KCNAB1: variants seen among roughly 807,000 people sequenced by gnomAD.
The protein encoded by KCNAB1 is potassium voltage-gated channel subfamily A regulatory beta subunit 1, also known as voltage-gated potassium channel subunit beta-1.
In KCNAB1, 35 loss-of-function variants were observed where a neutral mutation model predicts 64.6. The observed-to-expected ratio is 0.54, with a 90% CI of 0.41 to 0.72. The LOEUF is 0.72. Among genes scored for constraint, KCNAB1 ranks in the 30% least tolerant of loss-of-function variants. KCNAB1 has a pLI of 0.00. For synonymous variants in KCNAB1, 177 were observed against 183.8 expected, an observed-to-expected ratio of 0.96 and a Z score of 0.30; for missense variants, 401 against 512.9, an observed-to-expected ratio of 0.78 and a Z score of 2.11.
chr3:156,524,343 A>G (rs1236006301), intron 12 of KCNAB1: 1 of 156,702 alleles, frequency 6.4e-6, no homozygotes, highest in Non-Finnish European at 1.4e-5. Flanking sequence ...CTGCCACATG[A>G]AAAGCTGATC....
chr3:156,355,976 G>A (rs1725204173), intron 1 of KCNAB1, among the ~76,000 whole-genome samples: 2 of 152,020 alleles, frequency 1.3e-5, no homozygotes, highest in South Asian at 4.2e-4. Flanking sequence ...ACAAAAATTA[G>A]CCAGGCATGG....
At chr3:156,149,871 G>A (rs1215463144) in intron 1 of KCNAB1, among the ~76,000 whole-genome samples, 1 of 152,120 alleles carries the variant, frequency 6.6e-6, no homozygotes, top group Non-Finnish European at 1.5e-5. Context: ...TTCATCATGT[G>A]TTCTTGTGAC....
intron 8 of KCNAB1, among the ~76,000 whole-genome samples, chr3:156,491,717 C>T (rs1715643720): frequency 6.6e-6 from 1 of 151,804 alleles, no homozygotes; most frequent in African/African-American, 2.4e-5. Flanking sequence ...AATTTATTTT[C>T]TTATATTGCC....
intron 5 of KCNAB1, among the ~76,000 whole-genome samples, 153 bp downstream of exon 5, chr3:156,460,024 C>T (rs887638805): frequency 1.6e-4 from 25 of 152,088 alleles, no homozygotes; most frequent in Non-Finnish European, 3.1e-4. Flanking sequence ...AAATAAATGC[C>T]GGCAAGTTCA....
At chr3:156,186,062 G>C (rs181883291) in intron 1 of KCNAB1, among the ~76,000 whole-genome samples, 58 of 152,278 alleles carry the variant, frequency 3.8e-4, no homozygotes, top group South Asian at 1.2e-3. Context: ...ACTGAGCATA[G>C]TGCAGAAAAA....
At chr3:156,482,620 C>A (rs893535223) in intron 8 of KCNAB1, among the ~76,000 whole-genome samples, 1 of 152,028 alleles carries the variant, frequency 6.6e-6, no homozygotes, top group Non-Finnish European at 1.5e-5. Flanking sequence ...AAGAGTCAGA[C>A]CTCAATTCAA....
intron 8 of KCNAB1, among the ~76,000 whole-genome samples, chr3:156,487,216 C>T (rs1407197046): frequency 6.6e-6 from 1 of 152,062 alleles, no homozygotes; most frequent in East Asian, 1.9e-4. Flanking sequence ...CCATAAATTA[C>T]AGAATAAAGC....
intron 1 of KCNAB1, among the ~76,000 whole-genome samples, chr3:156,260,756 A>G (rs1718384106): frequency 6.6e-6 from 1 of 152,174 alleles, no homozygotes; most frequent in Admixed American, 6.5e-5. Context: ...ACACATTTTC[A>G]TATCTAGAAG....
At chr3:156,320,397 T>C (rs931616532) in intron 1 of KCNAB1, among the ~76,000 whole-genome samples, 3 of 152,252 alleles carry the variant, frequency 2.0e-5, no homozygotes, top group African/African-American at 7.2e-5. Flanking sequence ...GCAATTGATA[T>C]GAGCTTAAAT....
At chr3:156,156,369 G>A (rs571531149) in intron 1 of KCNAB1, among the ~76,000 whole-genome samples, 146 of 152,286 alleles carry the variant, frequency 9.6e-4, no homozygotes, top group Middle Eastern at 3.4e-3. Flanking sequence ...TCAAGGGTGT[G>A]ACATGATTTG....
intron 1 of KCNAB1, among the ~76,000 whole-genome samples, chr3:156,140,131 A>G (rs1577627981): frequency 6.6e-6 from 1 of 152,222 alleles, no homozygotes; most frequent in Admixed American, 6.5e-5. Context: ...TCAATAAAAG[A>G]TAAAAAGAGT....
Position 156,516,426 on chromosome 3 carries a change from G to A in KCNAB1, c.960+62G>A, listed in dbSNP as rs1576965263. 1.0e-5 allele frequency: 12 copies of A among 1,197,298 alleles called. No individual in the cohort carries two copies. The East Asian group carries it at 2.6e-4, about 26-fold the overall frequency. 74.2% of individuals were successfully genotyped at this position (1,197,298 alleles called of 1,614,324 possible). A position where few individuals can be genotyped will look rare whatever the true frequency, so the allele number is the denominator to read the frequency against. On this transcript the variant is annotated intron_variant, in intron 11 of 13. Coordinates refer to ENST00000490337, the MANE Select transcript of KCNAB1 (RefSeq NM_172160.3). Reference sequence around the variant, plus strand: ...AGGAAGGAGGGAAGAAGGTTGGTAAGAACAGCTCTGCAGCAGCCTAGGGCT... The same window carrying A: ...AGGAAGGAGGGAAGAAGGTTGGTAAAAACAGCTCTGCAGCAGCCTAGGGCT...
intron 1 of KCNAB1, among the ~76,000 whole-genome samples, chr3:156,416,885 A>G (rs1292478369): frequency 2.6e-5 from 4 of 152,270 alleles, no homozygotes; most frequent in African/African-American, 9.6e-5. Context: ...TTGACAAATG[A>G]CTTAAACTTT....
intron 1 of KCNAB1, among the ~76,000 whole-genome samples, chr3:156,250,991 A>G (rs1717799775): frequency 6.6e-6 from 1 of 152,142 alleles, no homozygotes; most frequent in African/African-American, 2.4e-5. Context: ...TTTATTTCGT[A>G]CCATTCTTTG....
At chr3:156,189,928 C>T (rs1423250724) in intron 1 of KCNAB1, among the ~76,000 whole-genome samples, 1 of 152,114 alleles carries the variant, frequency 6.6e-6, no homozygotes, top group African/African-American at 2.4e-5. Flanking sequence ...GATACCCATG[C>T]TGAATTGAAG....
intron 1 of KCNAB1, among the ~76,000 whole-genome samples, chr3:156,152,946 T>C (rs1046831667): frequency 2.0e-5 from 3 of 152,218 alleles, no homozygotes; most frequent in Admixed American, 6.5e-5. Flanking sequence ...ACCTCTATTT[T>C]TCCTTTTGGC....
At chr3:156,434,992 G>A (rs960647017) in intron 2 of KCNAB1, among the ~76,000 whole-genome samples, 2 of 152,196 alleles carry the variant, frequency 1.3e-5, no homozygotes, top group African/African-American at 4.8e-5. Context: ...AGATTGGAAA[G>A]GGAAGGTGAT....
At position 156,218,822 on chromosome 3, in the gene KCNAB1, A is replaced by AAAAT. The variant is rs548874734; in HGVS notation, c.275+97954_275+97957dup. 3.5e-3 allele frequency among the ~76,000 whole-genome samples: 501 copies of AAAAT among 144,080 alleles called. 5 individuals carry two copies. The highest frequency in any genetic ancestry group is 0.012 in the African/African-American group (475 of 39,398). The allele number at this position is 144,080 out of a possible 152,430, so 94.5% of individuals were successfully genotyped here. ...AAAAAAATAATAATAAAATAAAATAAAAATAAATAAATAAATAAATATAAA... is the reference window on the plus strand; with the variant it reads ...AAAAAAATAATAATAAAATAAAATAAAAATAAATAAATAAATAAATAAATATAAA... On this transcript the variant is annotated intron_variant, in intron 1 of 13. Coordinates refer to ENST00000490337, the MANE Select transcript of KCNAB1 (RefSeq NM_172160.3).
intron 5 of KCNAB1, among the ~76,000 whole-genome samples, chr3:156,462,594 T>C (rs1713006106): frequency 6.6e-6 from 1 of 152,186 alleles, no homozygotes; most frequent in Non-Finnish European, 1.5e-5. Context: ...GCTGCTAACA[T>C]TTTCAACAAA....
Sources: allele counts gnomAD v4.1 joint callset (sites outside exome capture counted in the v4.1 genomes callset), GRCh38; gene constraint gnomAD v4.1.1; transcripts MANE v1.5; gene names NCBI Gene and HGNC (gene_info 2026-07-23, HGNC 2026-07-21).